Variants in AUTS2 observed in about 807,000 individuals in gnomAD.
AUTS2 encodes activator of transcription and developmental regulator AUTS2, also known as autism susceptibility gene 2 protein.
A neutral mutation model predicts 112.4 loss-of-function variants in AUTS2; 17 were observed. That is an observed-to-expected ratio of 0.15 (90% CI 0.10 to 0.23). The LOEUF is 0.23. Among genes scored for constraint, AUTS2 ranks in the 10% least tolerant of loss-of-function variants. The pLI is 1.00. For missense variants in AUTS2, 1,510 were observed against 1,701.6 expected, an observed-to-expected ratio of 0.89 and a Z score of 1.98; for synonymous variants, 751 against 702.7, an observed-to-expected ratio of 1.07 and a Z score of -1.09.
chr7:70,208,654 A>G (rs1413724044), intron 4 of AUTS2, among the ~76,000 whole-genome samples: 1 of 152,068 alleles, frequency 6.6e-6, no homozygotes, highest in African/African-American at 2.4e-5. Flanking sequence ...TAAAGAAGGA[A>G]ATGATTAATT....
chr7:69,600,713 A>G (rs1169288862), intron 1 of AUTS2, among the ~76,000 whole-genome samples: 1 of 151,580 alleles, frequency 6.6e-6, no homozygotes, highest in Non-Finnish European at 1.5e-5. Context: ...ACATAGGCAC[A>G]TGTGTGTGTG....
At chr7:70,037,433 A>G (rs983446695) in intron 2 of AUTS2, among the ~76,000 whole-genome samples, 3 of 152,222 alleles carry the variant, frequency 2.0e-5, no homozygotes, top group African/African-American at 7.2e-5. Flanking sequence ...GATCATGGAT[A>G]TGTTCACTTG....
chr7:69,823,410 A>G (rs978909014), intron 1 of AUTS2, among the ~76,000 whole-genome samples: 2 of 152,190 alleles, frequency 1.3e-5, no homozygotes, highest in Non-Finnish European at 2.9e-5. Flanking sequence ...TTAGGTAAGG[A>G]GCCCTTGAAA....
At chr7:69,861,376 G>A (rs529794587) in intron 1 of AUTS2, among the ~76,000 whole-genome samples, 4 of 152,260 alleles carry the variant, frequency 2.6e-5, no homozygotes, top group South Asian at 2.1e-4. Context: ...TGGTGCTCCC[G>A]TCTCTTGCCT....
rs1306581013 is a variant in AUTS2 at position 70,793,078 on chromosome 7, T to C, written c.*2082T>C. On this transcript the variant is annotated 3_prime_UTR_variant, in exon 19 of 19. Transcript: ENST00000342771. ...AAACATTTGCACCCCACACAGTCGC[T>C]TGTGGTTTGTTTTTTGAGGAGGGGG... 1 of 133,530 alleles carries C rather than the reference T, an allele frequency of 7.5e-6. No individual in the cohort carries two copies. The highest frequency in any genetic ancestry group is 1.6e-5 in the Non-Finnish European group (1 of 62,022). 8.3% of individuals were successfully genotyped at this position (133,530 alleles called of 1,614,324 possible). A position where few individuals can be genotyped will look rare whatever the true frequency, so the allele number is the denominator to read the frequency against.
intron 2 of AUTS2, among the ~76,000 whole-genome samples, chr7:70,002,005 C>G (rs1282113158): frequency 6.6e-6 from 1 of 152,270 alleles, no homozygotes; most frequent in East Asian, 1.9e-4. Flanking sequence ...GCCACCACAC[C>G]CGGCCTTCAT....
At chr7:70,503,792 T>G (rs1798859873) in intron 5 of AUTS2, among the ~76,000 whole-genome samples, 1 of 150,144 alleles carries the variant, frequency 6.7e-6, no homozygotes, top group Non-Finnish European at 1.5e-5. Flanking sequence ...ATGCTGAGAT[T>G]ACAGGCGTGA....
chr7:70,215,232 A>G (rs577066494), intron 4 of AUTS2, among the ~76,000 whole-genome samples: 1 of 152,228 alleles, frequency 6.6e-6, no homozygotes, highest in Non-Finnish European at 1.5e-5. Context: ...GTGAGGTATG[A>G]TCATGCCACT....
chr7:70,069,716 T>TG (rs971371874), intron 2 of AUTS2, among the ~76,000 whole-genome samples: 9 of 151,598 alleles, frequency 5.9e-5, no homozygotes, highest in African/African-American at 1.7e-4. Context: ...TTGTTTTTTT[T>TG]TTTTTCCTGT....
intron 2 of AUTS2, among the ~76,000 whole-genome samples, chr7:70,040,108 G>C (rs1801181101): frequency 6.6e-6 from 1 of 152,096 alleles, no homozygotes. Context: ...GGATTTTTAG[G>C]GCAGTGACTC....
intron 2 of AUTS2, among the ~76,000 whole-genome samples, chr7:70,056,764 C>T (rs1802012061): frequency 6.6e-6 from 1 of 152,140 alleles, no homozygotes; most frequent in African/African-American, 2.4e-5. Flanking sequence ...ATGGTTTGGA[C>T]AGCGCTTCCG....
intron 4 of AUTS2, among the ~76,000 whole-genome samples, chr7:70,145,617 CTA>C (rs1807085550): frequency 6.6e-6 from 1 of 151,970 alleles, no homozygotes; most frequent in African/African-American, 2.4e-5. Flanking sequence ...TGTAGTAGGT[CTA>C]TGTTATACAC....
intron 2 of AUTS2, among the ~76,000 whole-genome samples, chr7:70,005,424 T>C (rs1223807871): frequency 6.6e-6 from 1 of 152,220 alleles, no homozygotes; most frequent in African/African-American, 2.4e-5. Flanking sequence ...TAATATATTT[T>C]TTAAAATGAA....
intron 4 of AUTS2, among the ~76,000 whole-genome samples, chr7:70,179,753 T>C (rs532453383): frequency 6.6e-6 from 1 of 152,340 alleles, no homozygotes; most frequent in South Asian, 2.1e-4. Flanking sequence ...GGCCCACCCT[T>C]ACTAGCTTGC....
chr7:69,819,746 T>C (rs772203551), intron 1 of AUTS2, among the ~76,000 whole-genome samples: 4 of 152,194 alleles, frequency 2.6e-5, no homozygotes, highest in African/African-American at 7.2e-5. Flanking sequence ...GCTTCCCAAA[T>C]AGCTGGGACC....
At chr7:70,476,998 T>C (rs1797608288) in intron 5 of AUTS2, among the ~76,000 whole-genome samples, 1 of 152,192 alleles carries the variant, frequency 6.6e-6, no homozygotes, top group East Asian at 1.9e-4. Flanking sequence ...CCAGGTCTTT[T>C]CTGAGTTTCC....
At chr7:70,558,990 TC>T (rs1280353737) in intron 5 of AUTS2, among the ~76,000 whole-genome samples, 2 of 152,302 alleles carry the variant, frequency 1.3e-5, no homozygotes, top group East Asian at 3.9e-4. Flanking sequence ...ATTGTAATAA[TC>T]CCCATACGTT....
chr7:69,774,784 G>A (rs1285606256), intron 1 of AUTS2, among the ~76,000 whole-genome samples: 1 of 152,054 alleles, frequency 6.6e-6, no homozygotes, highest in Admixed American at 6.6e-5. Flanking sequence ...TACAAATCAG[G>A]GATTTTCATC....
chr7:69,601,674 T>A (rs1408262065), intron 1 of AUTS2, among the ~76,000 whole-genome samples: 1 of 152,140 alleles, frequency 6.6e-6, no homozygotes, highest in Non-Finnish European at 1.5e-5. Context: ...GAATTGGTGC[T>A]TTATTGGCCA....
Sources: gnomAD v4.1 joint callset for allele counts (sites outside exome capture counted in the v4.1 genomes callset) on GRCh38, gnomAD v4.1.1 for gene constraint, MANE v1.5 for transcripts, NCBI Gene and HGNC (gene_info 2026-07-23, HGNC 2026-07-21) for gene names.